Variants in SIK2 observed in about 807,000 individuals in gnomAD.
The protein encoded by SIK2 is serine/threonine-protein kinase SIK2.
In SIK2, 29 loss-of-function variants were observed where a neutral mutation model predicts 103.2. That is an observed-to-expected ratio of 0.28 (90% CI 0.21 to 0.38). The LOEUF is 0.38. SIK2 is among the 10% of genes least tolerant of loss of function. SIK2 has a pLI of 1.00. For synonymous variants in SIK2, 412 were observed against 446.1 expected (o/e 0.92, Z 0.96); for missense variants, 879 against 1,171.0 (o/e 0.75, Z 3.64).
chr11:111,677,204 T>C (rs926084504), intron 3 of SIK2, among the ~76,000 whole-genome samples: 1 of 152,224 alleles, frequency 6.6e-6, no homozygotes, highest in African/African-American at 2.4e-5. Context: ...GTTTTTGTTT[T>C]TGTTTTTAAT....
intron 9 of SIK2, among the ~76,000 whole-genome samples, chr11:111,719,405 AAAC>A (rs1458206872): frequency 3.0e-4 from 45 of 149,826 alleles, no homozygotes; most frequent in African/African-American, 9.0e-4. Context: ...AAAAAAAAAA[AAAC>A]AACTCATCTT....
At chr11:111,643,916 G>A (rs1449574076) in intron 3 of SIK2, among the ~76,000 whole-genome samples, 6 of 152,028 alleles carry the variant, frequency 3.9e-5, no homozygotes, top group Non-Finnish European at 8.8e-5. Flanking sequence ...CCAGGAGGTC[G>A]AGGCTACAGT....
At chr11:111,634,863 C>T (rs1456762330) in intron 3 of SIK2, among the ~76,000 whole-genome samples, 3 of 152,196 alleles carry the variant, frequency 2.0e-5, no homozygotes, top group Non-Finnish European at 2.9e-5. Context: ...CTTTGCTTCA[C>T]ATGTGTGAGG....
At chr11:111,629,089 G>C (rs1201254093) in intron 3 of SIK2, among the ~76,000 whole-genome samples, 1 of 152,178 alleles carries the variant, frequency 6.6e-6, no homozygotes, top group African/African-American at 2.4e-5. Context: ...TAATTGTTTA[G>C]ATGTGAGAGG....
intron 3 of SIK2, among the ~76,000 whole-genome samples, chr11:111,669,427 A>G (rs911195069): frequency 2.6e-5 from 4 of 152,148 alleles, no homozygotes; most frequent in Admixed American, 6.5e-5. Flanking sequence ...ACTTCCATAT[A>G]AAATTAGAAA....
At position 111,730,819 on chromosome 11, in the gene SIK2, C is replaced by T. The variant is rs911322591; in HGVS notation, c.*6690C>T. The T allele has an allele frequency of 6.6e-5, 10 of 152,100 alleles. No individual in the cohort carries two copies. Among genetic ancestry groups the T allele is most frequent in the African/African-American group, 2.4e-4 (10 of 41,410 alleles). The allele number at this position is 152,100 out of a possible 1,614,324, so 9.4% of individuals were successfully genotyped here. A position where few individuals can be genotyped will look rare whatever the true frequency, so the allele number is the denominator to read the frequency against. On this transcript the variant is annotated 3_prime_UTR_variant, in exon 15 of 15. Transcript: ENST00000304987. ...ATGTACTGTTTTTATGTTTCCAACC[C>T]TCTTGAATTAAAATAAAAACAACTT...
chr11:111,683,403 G>A (rs1942802840), intron 3 of SIK2: 1 of 151,738 alleles, frequency 6.6e-6, no homozygotes, highest in Non-Finnish European at 1.5e-5. Flanking sequence ...TCATAAGTTT[G>A]TTCTGTAAAT....
intron 3 of SIK2, chr11:111,672,034 T>C (rs1942634692): frequency 1.5e-5 from 8 of 518,652 alleles, no homozygotes; most frequent in East Asian, 1.1e-4. Flanking sequence ...CTCAAGTGCC[T>C]TGTTCTGCTG....
chr11:111,720,382 G>C, intron 10 of SIK2, 96 bp from the exon 11 acceptor site: 1 of 1,235,614 alleles, frequency 8.1e-7, no homozygotes, highest in Non-Finnish European at 1.1e-6. Flanking sequence ...TTAAGGACAT[G>C]GTAGCTGTCA....
In SIK2 at chr11:111,705,227, T is replaced by A. The variant is rs948191791; in HGVS notation, c.1101+88T>A. The A allele has an allele frequency of 7.5e-7, 1 of 1,336,718 alleles. No homozygotes were observed. The highest frequency in any genetic ancestry group is 1.5e-5 in the African/African-American group (1 of 65,450). The allele number at this position is 1,336,718 out of a possible 1,614,324, so 82.8% of individuals were successfully genotyped here. ...TTTCATCTTATACACAGGGTTAGGA[T>A]TTCATCCTCTACACTCCGTTTTTCT... On this transcript the variant is annotated intron_variant, in intron 8 of 14. Coordinates refer to ENST00000304987, the MANE Select transcript of SIK2 (RefSeq NM_015191.3). This position sits in a 1 kb window ranked among gnomAD's most constrained non-coding sequence, Gnocchi z 4.3.
At chr11:111,706,432 G>T (rs1943347407) in intron 8 of SIK2, among the ~76,000 whole-genome samples, 1 of 152,068 alleles carries the variant, frequency 6.6e-6, no homozygotes, top group South Asian at 2.1e-4. Context: ...GAGATGAATG[G>T]TTGGTTAGTA....
At position 111,695,284 on chromosome 11, in the gene SIK2, T is replaced by A. The variant is rs144863713; in HGVS notation, c.479-5602T>A. Among the ~76,000 whole-genome samples the A allele has an allele frequency of 6.2e-4, 94 of 152,326 alleles. 4 individuals are homozygous for A. In the East Asian group the frequency reaches 0.017, roughly 28 times the overall value. ...TCTGCTGCTCTGTAGGAGGATTTTT[T>A]AAATTATAAATTAGACATTATAACA... On this transcript the variant is annotated intron_variant, in intron 4 of 14. Transcript: ENST00000304987.
chr11:111,689,263 T>G (rs1225788847), intron 4 of SIK2, among the ~76,000 whole-genome samples: 1 of 152,102 alleles, frequency 6.6e-6, no homozygotes, highest in Admixed American at 6.5e-5. Flanking sequence ...CTGTAGGTAA[T>G]GGGGAGTCTA....
At chr11:111,611,741 A>G (rs76116694) in intron 1 of SIK2, among the ~76,000 whole-genome samples, 41 of 152,308 alleles carry the variant, frequency 2.7e-4, no homozygotes, top group African/African-American at 9.1e-4. Flanking sequence ...AGTTGAATAG[A>G]TGAACACCAC....
At chr11:111,671,202 C>A in intron 3 of SIK2, 1 of 260,594 alleles carries the variant, frequency 3.8e-6, no homozygotes, top group Non-Finnish European at 7.5e-6. Flanking sequence ...CAGACTCCAG[C>A]CAGCTTTCCT....
At chr11:111,666,932 T>TTTTTA (rs1481523563) in intron 3 of SIK2, among the ~76,000 whole-genome samples, 3 of 150,696 alleles carry the variant, frequency 2.0e-5, no homozygotes, top group African/African-American at 4.9e-5. Flanking sequence ...GTCATTATCT[T>TTTTTA]TTTTATTTTA....
At chr11:111,715,894 C>T (rs1205502462) in intron 9 of SIK2, among the ~76,000 whole-genome samples, 1 of 149,746 alleles carries the variant, frequency 6.7e-6, no homozygotes, top group Admixed American at 6.7e-5. Context: ...CTCCGCCCCC[C>T]GGGTTCAAGC....
In SIK2 at chr11:111,616,320, G is replaced by A; in HGVS notation, c.213G>A (p.Met71Ile). The A allele has an allele frequency of 6.2e-7, 1 of 1,613,060 alleles. No individual in the cohort carries two copies. The highest frequency in any genetic ancestry group is 8.5e-7 in the Non-Finnish European group (1 of 1,179,232). ...AAATCTACCGAGAAGTACAAATAAT[G>A]AAAATGTTAGACCACCCTCACATAA... ...LEKIYREVQI[M>I]KMLDHPHIIK... Residue 71 changes from methionine to isoleucine, a missense_variant, in exon 2 of 15, where the codon ATG (methionine) becomes ATA (isoleucine). Met to Ile is a conservative substitution (Grantham distance 10, BLOSUM62 1). This residue lies in a region of SIK2 where 126 missense variants were observed against 245.5 expected (regional missense o/e 0.51). Coordinates refer to ENST00000304987, the MANE Select transcript of SIK2 (RefSeq NM_015191.3).
intron 4 of SIK2, among the ~76,000 whole-genome samples, chr11:111,695,021 G>A (rs2135908271): frequency 6.6e-6 from 1 of 152,276 alleles, no homozygotes; most frequent in African/African-American, 2.4e-5. Flanking sequence ...ACCTTTTCGT[G>A]CTGGTGGGCA....
Sources: gnomAD v4.1 joint callset for allele counts (sites outside exome capture counted in the v4.1 genomes callset) on GRCh38, gnomAD v4.1.1 for gene constraint, gnomAD v4.1.1 regional missense constraint, Gnocchi (gnomAD v3.1) non-coding constraint, MANE v1.5 for transcripts, NCBI Gene and HGNC (gene_info 2026-07-23, HGNC 2026-07-21) for gene names.